Variants in LDLRAD4 observed in about 807,000 individuals in gnomAD.
The protein encoded by LDLRAD4 is low-density lipoprotein receptor class A domain-containing protein 4.
In LDLRAD4, 5 loss-of-function variants were observed where a neutral mutation model predicts 17.0. The observed-to-expected ratio is 0.29, with a 90% CI of 0.15 to 0.62. LDLRAD4 has a LOEUF of 0.62. LDLRAD4 is among the 20% of genes least tolerant of loss of function. The pLI, the probability that LDLRAD4 is intolerant of heterozygous loss-of-function variation, is 0.84. For synonymous variants in LDLRAD4, 168 were observed against 171.8 expected (o/e 0.98, Z 0.17); for missense variants, 340 against 424.7 (o/e 0.80, Z 1.75).
intron 1 of LDLRAD4, among the ~76,000 whole-genome samples, chr18:13,249,958 C>A (rs1372468327): frequency 3.3e-5 from 5 of 152,118 alleles, no homozygotes; most frequent in African/African-American, 1.2e-4. Flanking sequence ...TTTTATTTTT[C>A]TGCATATGCA....
intron 1 of LDLRAD4, among the ~76,000 whole-genome samples, chr18:13,325,691 G>A (rs1176622258): frequency 6.6e-6 from 1 of 152,182 alleles, no homozygotes. Flanking sequence ...CGGAACTGCT[G>A]AGTACTCTGG....
At chr18:13,415,788 G>A (rs2145769596) in intron 2 of LDLRAD4, among the ~76,000 whole-genome samples, 1 of 152,328 alleles carries the variant, frequency 6.6e-6, no homozygotes, top group Middle Eastern at 3.4e-3. Context: ...GCTGCCCGGT[G>A]TCCCAGCCCA....
rs549874932 is a variant in LDLRAD4, at chr18:13,440,409, A to T, written c.181+2025A>T. Among the ~76,000 whole-genome samples, 2 of 152,214 alleles carry T rather than the reference A, an allele frequency of 1.3e-5. No individual in the cohort carries two copies. Among genetic ancestry groups the T allele is most frequent in the Non-Finnish European group, 2.9e-5 (2 of 68,046 alleles). ...AGCCGAGGGAGCAGTTACATCCATC[A>T]GTGGCTCAACTTTGCCCTAACAGAG... On this transcript the variant is annotated intron_variant, in intron 3 of 5. Coordinates refer to ENST00000359446, the Ensembl canonical transcript of LDLRAD4. This position sits in a 1 kb window ranked among gnomAD's most constrained non-coding sequence, Gnocchi z 4.4.
At position 13,283,654 on chromosome 18, in the gene LDLRAD4, C is replaced by T. The variant is rs183442505; in HGVS notation, c.-383+5466C>T. ...GAAGTTTCAAACTTTCCCACATTTT[C>T]CTGTCTTCTTCTGAGCCCTTCAAAC... On this transcript the variant is annotated intron_variant, in intron 1 of 5. Coordinates refer to ENST00000359446, the Ensembl canonical transcript of LDLRAD4. 7.1e-3 allele frequency among the ~76,000 whole-genome samples: 1,075 copies of T among 152,322 alleles called. 9 individuals are homozygous for T. Among genetic ancestry groups the T allele is most frequent in the Middle Eastern group, 0.051 (15 of 294 alleles).
At chr18:13,315,157 T>C (rs1197814309) in intron 1 of LDLRAD4, among the ~76,000 whole-genome samples, 4 of 152,168 alleles carry the variant, frequency 2.6e-5, no homozygotes. Context: ...TAGTTTAGCC[T>C]TCACAAAAGA....
At chr18:13,536,790 A>C (rs558771846) in intron 3 of LDLRAD4, among the ~76,000 whole-genome samples, 2 of 152,304 alleles carry the variant, frequency 1.3e-5, no homozygotes, top group South Asian at 2.1e-4. Context: ...AGATTGAGGA[A>C]GTCTCCTTCT....
intron 3 of LDLRAD4, among the ~76,000 whole-genome samples, chr18:13,564,827 T>C (rs1391418021): frequency 6.6e-6 from 1 of 152,170 alleles, no homozygotes; most frequent in Admixed American, 6.5e-5. Flanking sequence ...CAGGTGTGCC[T>C]TGCTCTTTAG....
chr18:13,361,946 T>C (rs1263130831), intron 1 of LDLRAD4, among the ~76,000 whole-genome samples: 1 of 151,722 alleles, frequency 6.6e-6, no homozygotes, highest in East Asian at 1.9e-4. Context: ...GTACTTGACA[T>C]AGGAGGCGAG....
chr18:13,331,350 CAGA>C (rs1343876181), intron 1 of LDLRAD4, among the ~76,000 whole-genome samples: 1 of 152,146 alleles, frequency 6.6e-6, no homozygotes, highest in African/African-American at 2.4e-5. Context: ...CATTTGCTCT[CAGA>C]AGACTTCTGT....
chr18:13,304,061 A>T (rs1408993508), intron 1 of LDLRAD4, among the ~76,000 whole-genome samples: 2 of 152,206 alleles, frequency 1.3e-5, no homozygotes, highest in African/African-American at 4.8e-5. Context: ...CCAGGGGTGG[A>T]TCCAGGGTCC....
chr18:13,571,935 C>G (rs1207941902), intron 3 of LDLRAD4, among the ~76,000 whole-genome samples: 2 of 152,196 alleles, frequency 1.3e-5, no homozygotes, highest in Admixed American at 6.5e-5. Flanking sequence ...CGCACCGGGC[C>G]TATAAACTAT....
chr18:13,359,417 A>C (rs2083530441), intron 1 of LDLRAD4, among the ~76,000 whole-genome samples: 1 of 152,148 alleles, frequency 6.6e-6, no homozygotes, highest in Non-Finnish European at 1.5e-5. Context: ...AGCCGTGGTC[A>C]GAAGGTGGTT....
intron 1 of LDLRAD4, among the ~76,000 whole-genome samples, chr18:13,228,741 A>G (rs897960566): frequency 6.6e-6 from 1 of 152,176 alleles, no homozygotes; most frequent in African/African-American, 2.4e-5. Flanking sequence ...CTTTCCTTCT[A>G]TTGGGTTTGA....
chr18:13,617,095 G>C (rs1479644427), intron 3 of LDLRAD4, among the ~76,000 whole-genome samples: 3 of 151,470 alleles, frequency 2.0e-5, no homozygotes, highest in Admixed American at 6.6e-5. Flanking sequence ...AAAGATGGTG[G>C]GGCCTTTACT....
At chr18:13,330,076 C>T (rs1025585331) in intron 1 of LDLRAD4, among the ~76,000 whole-genome samples, 5 of 152,088 alleles carry the variant, frequency 3.3e-5, no homozygotes, top group Non-Finnish European at 7.4e-5. Context: ...CTGCCTCAGC[C>T]TCCTGAGTAG....
intron 4 of LDLRAD4, among the ~76,000 whole-genome samples, chr18:13,635,190 C>T (rs374174044): frequency 1.3e-5 from 2 of 152,224 alleles, no homozygotes; most frequent in Non-Finnish European, 2.9e-5. Context: ...ACTGATTTCT[C>T]ATTCTGGAGG....
intron 1 of LDLRAD4, among the ~76,000 whole-genome samples, chr18:13,294,035 C>G (rs572386623): frequency 4.6e-5 from 7 of 152,314 alleles, no homozygotes; most frequent in Non-Finnish European, 1.0e-4. Context: ...CTTTTAAACC[C>G]TTTTATGCCG....
chr18:13,517,730 T>C (rs1216894415), intron 3 of LDLRAD4, among the ~76,000 whole-genome samples: 3 of 143,992 alleles, frequency 2.1e-5, no homozygotes, highest in African/African-American at 8.0e-5. Context: ...TGTCTGGACA[T>C]GACTTTCTTT....
At chr18:13,506,520 T>G (rs754978303) in intron 3 of LDLRAD4, among the ~76,000 whole-genome samples, 7 of 152,092 alleles carry the variant, frequency 4.6e-5, no homozygotes, top group Non-Finnish European at 1.0e-4. Context: ...TCACATACAT[T>G]TACCCCTGGG....
Sources: gnomAD v4.1 joint callset for allele counts (sites outside exome capture counted in the v4.1 genomes callset) on GRCh38, gnomAD v4.1.1 for gene constraint, Gnocchi (gnomAD v3.1) non-coding constraint, MANE v1.5 for transcripts, NCBI Gene and HGNC (gene_info 2026-07-23, HGNC 2026-07-21) for gene names.